The following SLC12A8 variants were observed in gnomAD, a reference collection of about 807,000 sequenced individuals.
SLC12A8 encodes solute carrier family 12 member 8.
SLC12A8 carries 69 observed loss-of-function variants against 75.6 expected under a neutral mutation model. The ratio of observed to expected loss-of-function variants is 0.91; its 90% CI spans 0.75 to 1.11. The LOEUF is 1.11. Ranked by LOEUF, SLC12A8 falls within the 50% of genes most tolerant of loss-of-function variation. SLC12A8 has a pLI of 0.00. For missense variants in SLC12A8, 877 were observed against 896.7 expected (o/e 0.98, Z 0.28); for synonymous variants, 365 against 372.8 (o/e 0.98, Z 0.24).
chr3:125,122,304 A>G (rs75197155), intron 6 of SLC12A8, among the ~76,000 whole-genome samples: 2,231 of 152,340 alleles, frequency 0.015, 43 homozygotes, highest in African/African-American at 0.05. Context: ...TCAATTTTCT[A>G]CAATGATCAT....
rs2107772317 is a variant in SLC12A8 at position 125,152,426 on chromosome 3, T to C, written c.623-16644A>G. On this transcript the variant is annotated intron_variant, in intron 5 of 13. Transcript: ENST00000469902. ...ATTTGTTATTTTATTTACTTTAGAA[T>C]GCTTTTCATTTTTAGCAATCAGGAT... 2.0e-5 allele frequency among the ~76,000 whole-genome samples: 3 copies of C among 152,390 alleles called. 1 individual carries two copies. The South Asian group carries it at 6.2e-4, about 32-fold the overall frequency.
chr3:125,174,947 A>G (rs1043466235), intron 5 of SLC12A8, among the ~76,000 whole-genome samples: 2 of 152,202 alleles, frequency 1.3e-5, no homozygotes, highest in African/African-American at 4.8e-5. Flanking sequence ...TGAACCCTAA[A>G]CTATTAGCAA....
At chr3:125,138,844 A>AC (rs1933557226) in intron 5 of SLC12A8, among the ~76,000 whole-genome samples, 1 of 120,722 alleles carries the variant, frequency 8.3e-6, no homozygotes, top group African/African-American at 3.2e-5. Flanking sequence ...CCCTTCTACA[A>AC]AACACACACA....
rs79137040 is a variant in SLC12A8, at chr3:125,175,200, C to T, written c.622+2543G>A. 3.3e-5 allele frequency among the ~76,000 whole-genome samples: 5 copies of T among 152,266 alleles called. No homozygotes were observed. The East Asian group carries it at 9.6e-4, about 29-fold the overall frequency. On this transcript the variant is annotated intron_variant, in intron 5 of 13. Transcript: ENST00000469902. ...ATAATTTAGCCACATATAATCTCAACAGAAAGATAGTTGCTATTATGCATA... is the reference window on the plus strand; with the variant it reads ...ATAATTTAGCCACATATAATCTCAATAGAAAGATAGTTGCTATTATGCATA...
chr3:125,159,130 T>C (rs1934109025), intron 5 of SLC12A8, among the ~76,000 whole-genome samples: 1 of 152,352 alleles, frequency 6.6e-6, no homozygotes, highest in Middle Eastern at 3.4e-3. Context: ...AATAAAATTC[T>C]CTAATTAAAA....
intron 5 of SLC12A8, among the ~76,000 whole-genome samples, chr3:125,166,648 T>C (rs1476972912): frequency 6.6e-6 from 1 of 152,230 alleles, no homozygotes; most frequent in Non-Finnish European, 1.5e-5. Flanking sequence ...TGCAAACCCC[T>C]CTCACACCAC....
intron 4 of SLC12A8, among the ~76,000 whole-genome samples, chr3:125,186,438 C>T (rs140381884): frequency 6.6e-6 from 1 of 152,328 alleles, no homozygotes; most frequent in East Asian, 1.9e-4. Flanking sequence ...AGAAACAAAA[C>T]CGATGCTTTC....
chr3:125,146,834 T>C (rs1369103226), intron 5 of SLC12A8, among the ~76,000 whole-genome samples: 1 of 152,182 alleles, frequency 6.6e-6, no homozygotes, highest in African/African-American at 2.4e-5. Flanking sequence ...AGAGACAAGG[T>C]CTCTGTTTGT....
Position 125,107,267 on chromosome 3 carries a change from A to G in SLC12A8, c.1705+214T>C, listed in dbSNP as rs891274727. On this transcript the variant is annotated intron_variant, in intron 10 of 13. Coordinates refer to ENST00000469902, the MANE Select transcript of SLC12A8 (RefSeq NM_024628.6). ...GCTCTCAGGTCTAACATACAGGAGTAGATAGAAATTTCTGTTTAAAATTAA... is the reference window on the plus strand; with the variant it reads ...GCTCTCAGGTCTAACATACAGGAGTGGATAGAAATTTCTGTTTAAAATTAA... Among the ~76,000 whole-genome samples, 3 of 152,384 alleles carry G rather than the reference A, an allele frequency of 2.0e-5. No homozygotes were observed. In the East Asian group the frequency reaches 5.8e-4, roughly 29 times the overall value.
At position 125,165,964 on chromosome 3, in the gene SLC12A8, T is replaced by C. The variant is rs573106100; in HGVS notation, c.622+11779A>G. Reference sequence around the variant, plus strand: ...TACCCACTTTGTATGTTTGGAATTTTGTCAGAAAGGTTTTTTTAAAAATAT... The same window carrying C: ...TACCCACTTTGTATGTTTGGAATTTCGTCAGAAAGGTTTTTTTAAAAATAT... On this transcript the variant is annotated intron_variant, in intron 5 of 13. Coordinates refer to ENST00000469902, the MANE Select transcript of SLC12A8 (RefSeq NM_024628.6). Among the ~76,000 whole-genome samples, 68 of 152,342 alleles carry C rather than the reference T, an allele frequency of 4.5e-4. 2 individuals are homozygous for C. The South Asian group carries it at 0.013, about 28-fold the overall frequency.
At chr3:125,177,645 G>T in intron 5 of SLC12A8, 98 bp downstream of exon 5, 1 of 910,868 alleles carries the variant, frequency 1.1e-6, no homozygotes, top group Non-Finnish European at 1.7e-6. Flanking sequence ...AAAGCCTATG[G>T]GGGTTAGGGG....
intron 5 of SLC12A8, among the ~76,000 whole-genome samples, chr3:125,139,204 A>G (rs1579499222): frequency 6.6e-6 from 1 of 152,234 alleles, no homozygotes; most frequent in African/African-American, 2.4e-5. Flanking sequence ...CAAGACAGGA[A>G]AAATAAAATA....
chr3:125,210,833 C>A (rs946218144), intron 2 of SLC12A8, among the ~76,000 whole-genome samples: 2 of 151,542 alleles, frequency 1.3e-5, no homozygotes, highest in African/African-American at 2.4e-5. Context: ...CTACAGAATG[C>A]ATGTAACTAA....
At chr3:125,182,314 G>A (rs1934682662) in intron 4 of SLC12A8, among the ~76,000 whole-genome samples, 1 of 151,760 alleles carries the variant, frequency 6.6e-6, no homozygotes, top group Admixed American at 6.6e-5. Context: ...GCAACAGACT[G>A]AGACCCTGTC....
chr3:125,144,830 G>C (rs1304521260), intron 5 of SLC12A8, among the ~76,000 whole-genome samples: 2 of 152,094 alleles, frequency 1.3e-5, no homozygotes, highest in Non-Finnish European at 2.9e-5. Flanking sequence ...GCTGAGACGG[G>C]GTGGGAGGTC....
intron 6 of SLC12A8, 37 bp from the exon 7 acceptor site, chr3:125,120,723 C>G (rs1380988971): frequency 6.6e-7 from 1 of 1,505,064 alleles, no homozygotes; most frequent in Non-Finnish European, 9.2e-7. Context: ...GGTGAGCAGC[C>G]TCCTCCACGC....
Position 125,190,278 on chromosome 3 carries a change from T to C in SLC12A8, c.198+97A>G, listed in dbSNP as rs973625935. 49 of 1,338,354 alleles carry C rather than the reference T, an allele frequency of 3.7e-5. No homozygotes were observed. The African/African-American group carries it at 6.4e-4, about 17-fold the overall frequency. The allele number at this position is 1,338,354 out of a possible 1,614,324, so 82.9% of individuals were successfully genotyped here. A position where few individuals can be genotyped will look rare whatever the true frequency, so the allele number is the denominator to read the frequency against. Reference sequence around the variant, plus strand: ...TTTCGTGTTTCAGGAGCATCTGTGCTTCAGGAATCTGTGGCCTGCACTGTA... The same window carrying C: ...TTTCGTGTTTCAGGAGCATCTGTGCCTCAGGAATCTGTGGCCTGCACTGTA... On this transcript the variant is annotated intron_variant, in intron 3 of 13. Transcript: ENST00000469902.
At chr3:125,096,601 C>A (rs1368840519) in intron 10 of SLC12A8, among the ~76,000 whole-genome samples, 1 of 152,110 alleles carries the variant, frequency 6.6e-6, no homozygotes, top group Non-Finnish European at 1.5e-5. Flanking sequence ...TCTTTTTTTA[C>A]ATCTGTACCT....
intron 13 of SLC12A8, among the ~76,000 whole-genome samples, chr3:125,087,027 G>A (rs1341108024): frequency 6.6e-6 from 1 of 152,004 alleles, no homozygotes; most frequent in Non-Finnish European, 1.5e-5. Flanking sequence ...TGTCCTTAAT[G>A]CCACTGAACT....
Sources: gnomAD v4.1 joint callset for allele counts (sites outside exome capture counted in the v4.1 genomes callset) on GRCh38, gnomAD v4.1.1 for gene constraint, MANE v1.5 for transcripts, NCBI Gene and HGNC (gene_info 2026-07-23, HGNC 2026-07-21) for gene names.